PRKD1: variants seen among roughly 807,000 people sequenced by gnomAD.
The protein encoded by PRKD1 is protein kinase D1.
PRKD1 carries 63 observed loss-of-function variants against 95.9 expected under a neutral mutation model. The observed-to-expected ratio is 0.66, with a 90% CI of 0.54 to 0.81. The LOEUF (loss-of-function observed/expected upper bound fraction) is 0.81, where lower values mean the gene tolerates loss of function less well. PRKD1 is among the 30% of genes least tolerant of loss of function. The pLI, the probability that PRKD1 is intolerant of heterozygous loss-of-function variation, is 0.00. For missense variants in PRKD1, 1,048 were observed against 1,165.3 expected (o/e 0.90, Z 1.47); for synonymous variants, 425 against 423.1 (o/e 1.00, Z -0.05).
chr14:29,902,517 A>AT (rs1894352666), intron 1 of PRKD1, among the ~76,000 whole-genome samples: 1 of 152,118 alleles, frequency 6.6e-6, no homozygotes, highest in African/African-American at 2.4e-5. Flanking sequence ...ATCATTCACT[A>AT]TTTTTTGGTT....
At chr14:29,644,937 T>C (rs1272952181) in intron 4 of PRKD1, among the ~76,000 whole-genome samples, 1 of 152,104 alleles carries the variant, frequency 6.6e-6, no homozygotes, top group Non-Finnish European at 1.5e-5. Flanking sequence ...GCACTTTACA[T>C]GGATTTCATT....
chr14:29,832,918 A>G (rs1233585057), intron 1 of PRKD1, among the ~76,000 whole-genome samples: 1 of 152,026 alleles, frequency 6.6e-6, no homozygotes, highest in Non-Finnish European at 1.5e-5. Context: ...CCTAGGTATC[A>G]CACTTTGTAT....
At position 29,751,770 on chromosome 14, in the gene PRKD1, T is replaced by C. The variant is rs867593914; in HGVS notation, c.265-26096A>G. On this transcript the variant is annotated intron_variant, in intron 1 of 17. Coordinates refer to ENST00000331968, the MANE Select transcript of PRKD1 (RefSeq NM_002742.3). ...GTGCCCTCTCACTCTGACTTCGAGATTGGCCATGTGATTTGCTTTGGCTAA... is the reference window on the plus strand; with the variant it reads ...GTGCCCTCTCACTCTGACTTCGAGACTGGCCATGTGATTTGCTTTGGCTAA... Among the ~76,000 whole-genome samples the C allele has an allele frequency of 7.2e-5, 11 of 152,306 alleles. No individual in the cohort carries two copies. In the South Asian group the frequency reaches 1.5e-3, roughly 20 times the overall value.
intron 4 of PRKD1, among the ~76,000 whole-genome samples, chr14:29,662,276 T>C (rs957231977): frequency 1.3e-5 from 2 of 152,162 alleles, no homozygotes; most frequent in African/African-American, 4.8e-5. Flanking sequence ...GCAAGAGTAA[T>C]TGCTGTAACT....
In PRKD1 at chr14:29,720,557, G is replaced by A. The variant is rs187077062; in HGVS notation, c.403+4979C>T. On this transcript the variant is annotated intron_variant, in intron 2 of 17. Transcript: ENST00000331968. ...AGCACTTTGGGAGGCCGAGACAGGC[G>A]GATCACAAGATCAGGAGCTCAAGAC... is the stretch of plus-strand genomic sequence containing the variant. Among the ~76,000 whole-genome samples the A allele has an allele frequency of 3.8e-4, 58 of 151,908 alleles. 2 individuals are homozygous for A. Among genetic ancestry groups the A allele is most frequent in the South Asian group, 2.1e-4 (1 of 4,810 alleles).
At chr14:29,748,011 T>G (rs1211482968) in intron 1 of PRKD1, among the ~76,000 whole-genome samples, 1 of 152,182 alleles carries the variant, frequency 6.6e-6, no homozygotes, top group African/African-American at 2.4e-5. Context: ...CCCAAAGTGC[T>G]GGGATTACAG....
chr14:29,720,609 G>A (rs1372952883), intron 2 of PRKD1, among the ~76,000 whole-genome samples: 1 of 151,662 alleles, frequency 6.6e-6, no homozygotes, highest in Non-Finnish European at 1.5e-5. Flanking sequence ...GTGAAACCCT[G>A]TCTCTACTAA....
intron 2 of PRKD1, among the ~76,000 whole-genome samples, chr14:29,697,288 T>A (rs1790967360): frequency 6.6e-6 from 1 of 152,208 alleles, no homozygotes; most frequent in Non-Finnish European, 1.5e-5. Flanking sequence ...TATACAGTTT[T>A]ATCTTTTGAA....
chr14:29,679,376 G>A (rs944269024), intron 2 of PRKD1, among the ~76,000 whole-genome samples: 8 of 152,152 alleles, frequency 5.3e-5, no homozygotes, highest in African/African-American at 1.7e-4. Context: ...CTCAAAGATT[G>A]CATCTAACCT....
chr14:29,803,546 G>A (rs778784403), intron 1 of PRKD1, among the ~76,000 whole-genome samples: 1 of 152,112 alleles, frequency 6.6e-6, no homozygotes, highest in East Asian at 1.9e-4. Flanking sequence ...TTAAGTAGGA[G>A]GTAAAAATAA....
chr14:29,842,403 G>C (rs1037918540), intron 1 of PRKD1, among the ~76,000 whole-genome samples: 1 of 152,192 alleles, frequency 6.6e-6, no homozygotes, highest in Non-Finnish European at 1.5e-5. Flanking sequence ...AATGTGTTGT[G>C]CTATATCATT....
chr14:29,674,213 C>T (rs1883027452), intron 2 of PRKD1, among the ~76,000 whole-genome samples: 1 of 151,942 alleles, frequency 6.6e-6, no homozygotes, highest in South Asian at 2.1e-4. Flanking sequence ...AGTCTGTTGC[C>T]AATTCAGGGC....
chr14:29,586,470 A>G (rs1892932987), intron 16 of PRKD1, among the ~76,000 whole-genome samples: 2 of 152,210 alleles, frequency 1.3e-5, no homozygotes, highest in Admixed American at 1.3e-4. Flanking sequence ...ACAGAATTGG[A>G]AAATCTGGCT....
At chr14:29,897,606 A>C (rs74040621) in intron 1 of PRKD1, among the ~76,000 whole-genome samples, 9,860 of 152,126 alleles carry the variant, frequency 0.065, 389 homozygotes, top group South Asian at 0.11. Flanking sequence ...AAAATTCCAA[A>C]CTCACGGAAT....
intron 2 of PRKD1, among the ~76,000 whole-genome samples, chr14:29,687,434 C>T (rs1346948721): frequency 1.3e-5 from 2 of 152,166 alleles, no homozygotes; most frequent in African/African-American, 2.4e-5. Context: ...GCTCTATCAG[C>T]TAGGTATACC....
intron 1 of PRKD1, among the ~76,000 whole-genome samples, chr14:29,784,480 T>C (rs1278028188): frequency 6.6e-6 from 1 of 152,334 alleles, no homozygotes; most frequent in East Asian, 1.9e-4. Context: ...GATTGCTTCA[T>C]GTAGTATGGT....
rs1320874393 is a variant in PRKD1, at chr14:29,915,480, A to G, written c.264+11769T>C. Among the ~76,000 whole-genome samples, 3 of 152,218 alleles carry G rather than the reference A, an allele frequency of 2.0e-5. No homozygotes were observed. In the South Asian group the frequency reaches 6.2e-4, roughly 32 times the overall value. On this transcript the variant is annotated intron_variant, in intron 1 of 17. Coordinates refer to ENST00000331968, the MANE Select transcript of PRKD1 (RefSeq NM_002742.3). ...GATTTAGTATTTCTAAAAGAGATAT[A>G]AAAATATTTCTCAAATTTCACTAAT...
chr14:29,916,625 C>T (rs941885839), intron 1 of PRKD1, among the ~76,000 whole-genome samples: 1 of 151,708 alleles, frequency 6.6e-6, no homozygotes. Context: ...TAAATAACTG[C>T]GACTCTTGGT....
intron 1 of PRKD1, among the ~76,000 whole-genome samples, chr14:29,826,475 T>C (rs1298765015): frequency 1.6e-5 from 2 of 123,856 alleles, no homozygotes; most frequent in African/African-American, 3.2e-5. Flanking sequence ...TATATACATA[T>C]ATATGATGGA....
Sources: gnomAD v4.1 joint callset for allele counts (sites outside exome capture counted in the v4.1 genomes callset) on GRCh38, gnomAD v4.1.1 for gene constraint, MANE v1.5 for transcripts, NCBI Gene and HGNC (gene_info 2026-07-23, HGNC 2026-07-21) for gene names.